The following NAA16 variants were observed in gnomAD, a reference collection of about 807,000 sequenced individuals.
The protein encoded by NAA16 is NARG1-like protein.
In NAA16, 97 loss-of-function variants were observed where a neutral mutation model predicts 110.3. That is an observed-to-expected ratio of 0.88 (90% CI 0.75 to 1.04). The LOEUF (loss-of-function observed/expected upper bound fraction) is 1.04. Among genes scored for constraint, NAA16 ranks in the 50% least tolerant of loss-of-function variants. The probability of loss-of-function intolerance (pLI) is 0.00; values close to 1 mark genes in which losing one functional copy is unlikely to be tolerated. For missense variants in NAA16, 1,017 were observed against 1,005.1 expected (o/e 1.01, Z -0.16); for synonymous variants, 372 against 330.6 (o/e 1.13, Z -1.36).
intron 13 of NAA16, among the ~76,000 whole-genome samples, chr13:41,365,034 G>C (rs2043182963): frequency 6.6e-6 from 1 of 152,100 alleles, no homozygotes; most frequent in Non-Finnish European, 1.5e-5. Context: ...TCTTGCTTAG[G>C]GGGAGAGAGT....
intron 11 of NAA16, 38 bp from the exon 12 acceptor site, chr13:41,358,770 CTT>C (rs1308062214): frequency 6.5e-7 from 1 of 1,533,774 alleles, no homozygotes. Context: ...CTCATATTCT[CTT>C]GATTATAAAT....
chr13:41,340,539 C>T (rs8000000), intron 9 of NAA16, among the ~76,000 whole-genome samples: 144,115 of 152,108 alleles, frequency 0.95, 68,336 homozygotes, highest in South Asian at 0.99. Context: ...TCTTTGTTCT[C>T]GTTGGTTTCA....
intron 4 of NAA16, among the ~76,000 whole-genome samples, chr13:41,322,703 T>A (rs569493956): frequency 1.3e-5 from 2 of 152,104 alleles, no homozygotes; most frequent in Non-Finnish European, 2.9e-5. Flanking sequence ...GTAATTCATA[T>A]AATAGTTTTA....
At position 41,375,606 on chromosome 13, in the gene NAA16, C is replaced by A. The variant is rs1013576565; in HGVS notation, c.*4C>A. 3.1e-6 allele frequency: 5 copies of A among 1,610,184 alleles called. No homozygotes were observed. The highest frequency in any genetic ancestry group is 1.3e-5 in the African/African-American group (1 of 74,834). ...TGTCTTGGCAAATGAAATTTGAAAT[C>A]TTCTAGAAAGTAGACTCCTATAGAC... On this transcript the variant is annotated 3_prime_UTR_variant, in exon 20 of 20. Transcript: ENST00000379406.
chr13:41,367,312 A>G, intron 13 of NAA16, 127 bp from the exon 14 acceptor site: 2 of 611,412 alleles, frequency 3.3e-6, no homozygotes, highest in Non-Finnish European at 5.6e-6. Flanking sequence ...AAAACATTGG[A>G]GAGGGCAGCT....
intron 13 of NAA16, 65 bp downstream of exon 13, chr13:41,362,224 CA>C: frequency 3.3e-6 from 5 of 1,505,788 alleles, no homozygotes; most frequent in Non-Finnish European, 4.4e-6. Context: ...TAGATTTCTA[CA>C]CAGGATCATC....
At chr13:41,318,720 C>A in intron 2 of NAA16, 86 bp from the exon 3 acceptor site, 1 of 542,754 alleles carries the variant, frequency 1.8e-6, no homozygotes, top group Non-Finnish European at 2.9e-6. Flanking sequence ...AGTAATCCTT[C>A]AGATCTCAAC....
chr13:41,333,001 A>G (rs2042281234), intron 8 of NAA16, among the ~76,000 whole-genome samples: 1 of 152,130 alleles, frequency 6.6e-6, no homozygotes, highest in Non-Finnish European at 1.5e-5. Context: ...ATTAAGTCCA[A>G]GTGGATATTA....
chr13:41,342,725 A>G (rs1248437812), intron 9 of NAA16, among the ~76,000 whole-genome samples: 1 of 152,186 alleles, frequency 6.6e-6, no homozygotes, highest in Non-Finnish European at 1.5e-5. Context: ...ACGCCCATAG[A>G]TAAGTTGTCC....
intron 8 of NAA16, among the ~76,000 whole-genome samples, chr13:41,334,846 T>C (rs906623178): frequency 2.6e-5 from 4 of 152,200 alleles, no homozygotes; most frequent in Admixed American, 6.5e-5. Flanking sequence ...TGGTGTATTC[T>C]TCTACAAATA....
intron 10 of NAA16, among the ~76,000 whole-genome samples, 162 bp from the exon 11 acceptor site, chr13:41,358,142 C>G (rs980400162): frequency 6.6e-6 from 1 of 152,132 alleles, no homozygotes; most frequent in African/African-American, 2.4e-5. Context: ...ACTTTTTGAA[C>G]TTTATGAAGT....
At chr13:41,373,937 A>T in intron 18 of NAA16, 157 bp downstream of exon 18, 1 of 1,203,932 alleles carries the variant, frequency 8.3e-7, no homozygotes, top group Non-Finnish European at 1.1e-6. Context: ...AATAGGGGAA[A>T]CAGGGATGGA....
intron 4 of NAA16, among the ~76,000 whole-genome samples, chr13:41,321,735 G>A (rs545756776): frequency 6.7e-5 from 10 of 149,988 alleles, no homozygotes; most frequent in Admixed American, 3.4e-4. Context: ...AGTCCACTTC[G>A]TATCCTAGAA....
Position 41,374,812 on chromosome 13 carries a change from T to A in NAA16, c.2370T>A (p.Asp790Glu). Reference protein sequence around the residue: ...EKAIAIATRLDETIKDKDVKT... With the variant: ...EKAIAIATRLEETIKDKDVKT... ...CAATTGCTATAGCCACTAGACTAGA[T>A]GAAACTATAAAAGATAAAGATGTAA... The change falls in exon 19 of 20, where the codon GAT becomes GAA. Residue 790 changes from aspartate to glutamate, a missense_variant. Transcript: ENST00000379406. The A allele has an allele frequency of 1.2e-6, 2 of 1,610,286 alleles. No homozygotes were observed. The highest frequency in any genetic ancestry group is 2.2e-5 in the South Asian group (2 of 90,462).
At position 41,355,363 on chromosome 13, in the gene NAA16, C is replaced by G. The variant is rs1031342307; in HGVS notation, c.1087+147C>G. On this transcript the variant is annotated intron_variant, in intron 10 of 19. Transcript: ENST00000379406. ...TTGGTGAATGAAATGAGAGCACTTTCAATCTTACTTAATTTAAATTTTCCA... is the reference window on the plus strand; with the variant it reads ...TTGGTGAATGAAATGAGAGCACTTTGAATCTTACTTAATTTAAATTTTCCA... 11 of 580,946 alleles carry G rather than the reference C, an allele frequency of 1.9e-5. No individual in the cohort carries two copies. The African/African-American group carries it at 2.1e-4, about 11-fold the overall frequency. The allele number at this position is 580,946 out of a possible 1,614,324, so 36.0% of individuals were successfully genotyped here. A position where few individuals can be genotyped will look rare whatever the true frequency, so the allele number is the denominator to read the frequency against.
At chr13:41,324,363 CTTTTTTTTTTTTTTTTT>C (rs71086562) in intron 5 of NAA16, among the ~76,000 whole-genome samples, 13 of 66,092 alleles carry the variant, frequency 2.0e-4, no homozygotes, top group South Asian at 8.0e-4. Flanking sequence ...TTCTTTCTTT[CTTTTTTTTTTTTTTTTT>C]TTTTTTTTTT....
intron 13 of NAA16, among the ~76,000 whole-genome samples, 186 bp from the exon 14 acceptor site, chr13:41,367,253 G>A (rs547757412): frequency 6.6e-6 from 1 of 152,228 alleles, no homozygotes; most frequent in South Asian, 2.1e-4. Flanking sequence ...TTTGTAGGAA[G>A]AGAAAGTTCA....
chr13:41,368,596 G>GA (rs996016334), intron 14 of NAA16, among the ~76,000 whole-genome samples: 4 of 151,064 alleles, frequency 2.6e-5, no homozygotes, highest in Non-Finnish European at 4.4e-5. Flanking sequence ...ACAAAAAACA[G>GA]AAAAAAAAAG....
At chr13:41,334,999 G>A (rs2042341244) in intron 8 of NAA16, among the ~76,000 whole-genome samples, 1 of 152,094 alleles carries the variant, frequency 6.6e-6, no homozygotes, top group Non-Finnish European at 1.5e-5. Flanking sequence ...CTCGTATTTG[G>A]AGATTAGTCC....
Sources: gnomAD v4.1 joint callset for allele counts (sites outside exome capture counted in the v4.1 genomes callset) on GRCh38, gnomAD v4.1.1 for gene constraint, MANE v1.5 for transcripts, NCBI Gene and HGNC (gene_info 2026-07-23, HGNC 2026-07-21) for gene names.